The following USP37 variants were observed in gnomAD, a reference collection of about 807,000 sequenced individuals.
USP37 encodes ubiquitin carboxyl-terminal hydrolase 37.
In USP37, 27 loss-of-function variants were observed where a neutral mutation model predicts 124.0. The ratio of observed to expected loss-of-function variants is 0.22; its 90% CI spans 0.16 to 0.30. The LOEUF (loss-of-function observed/expected upper bound fraction) is 0.30. USP37 is among the 10% of genes least tolerant of loss of function. The pLI is 1.00. For synonymous variants in USP37, 365 were observed against 388.0 expected, an observed-to-expected ratio of 0.94 and a Z score of 0.70; for missense variants, 889 against 1,140.4, an observed-to-expected ratio of 0.78 and a Z score of 3.17.
Position 218,455,029 on chromosome 2 carries a change from A to C in USP37, c.2853-12T>G, listed in dbSNP as rs750447449. Reference sequence around the variant, plus strand: ...CATCAAAGATCTCCCTTAAGATAAAACAAGCAAAAAATAAAACTGGAAATT... The same window carrying C: ...CATCAAAGATCTCCCTTAAGATAAACCAAGCAAAAAATAAAACTGGAAATT... On this transcript the variant is annotated splice_polypyrimidine_tract_variant and intron_variant, in intron 25 of 25. Transcript: ENST00000258399. The C allele has an allele frequency of 5.6e-6, 9 of 1,611,314 alleles. No homozygotes were observed. Among genetic ancestry groups the C allele is most frequent in the African/African-American group, 4.0e-5 (3 of 74,744 alleles).
chr2:218,468,274 G>A (rs547245642), intron 20 of USP37, among the ~76,000 whole-genome samples: 2 of 150,498 alleles, frequency 1.3e-5, no homozygotes, highest in South Asian at 4.2e-4. Context: ...GCGTGATTGT[G>A]GCTCATTGCA....
intron 17 of USP37, among the ~76,000 whole-genome samples, chr2:218,480,500 A>G (rs1691213777): frequency 6.6e-6 from 1 of 152,168 alleles, no homozygotes; most frequent in Non-Finnish European, 1.5e-5. Flanking sequence ...CTACATAGAC[A>G]GCACTGGAAA....
chr2:218,479,246 TAAC>T (rs1277037718), intron 18 of USP37, among the ~76,000 whole-genome samples: 2 of 152,172 alleles, frequency 1.3e-5, no homozygotes, highest in Middle Eastern at 3.2e-3. Context: ...CCAGACTGGC[TAAC>T]AACAGGTAAA....
chr2:218,484,895 AT>A (rs1039821776), intron 16 of USP37, among the ~76,000 whole-genome samples: 1 of 152,200 alleles, frequency 6.6e-6, no homozygotes, highest in African/African-American at 2.4e-5. Flanking sequence ...CCACATAATA[AT>A]TTTTTGTAAC....
chr2:218,533,614 A>T (rs2106028616), intron 9 of USP37, among the ~76,000 whole-genome samples: 1 of 152,330 alleles, frequency 6.6e-6, no homozygotes, highest in East Asian at 1.9e-4. Flanking sequence ...CAGAGTTTAT[A>T]TCTTCTAAAT....
intron 23 of USP37, 141 bp downstream of exon 23, chr2:218,459,649 A>G: frequency 3.4e-6 from 2 of 582,916 alleles, no homozygotes; most frequent in Non-Finnish European, 6.0e-6. Flanking sequence ...GCAAATGACA[A>G]GAGAAAATGA....
chr2:218,489,878 C>T (rs946337644), intron 14 of USP37, among the ~76,000 whole-genome samples: 3 of 152,158 alleles, frequency 2.0e-5, no homozygotes, highest in African/African-American at 7.2e-5. Flanking sequence ...TTTTAGTTGG[C>T]CCCTCTTTTG....
chr2:218,456,973 A>T (rs1258459237), intron 24 of USP37, 119 bp downstream of exon 24: 1 of 1,108,736 alleles, frequency 9.0e-7, no homozygotes. Flanking sequence ...GGATCTCAAA[A>T]AAAAAAAGAA....
At chr2:218,479,432 T>C (rs1691133817) in intron 18 of USP37, among the ~76,000 whole-genome samples, 1 of 152,212 alleles carries the variant, frequency 6.6e-6, no homozygotes, top group African/African-American at 2.4e-5. Flanking sequence ...AGACAGAATA[T>C]TGAGAGGATG....
intron 22 of USP37, 131 bp downstream of exon 22, chr2:218,463,175 A>C (rs1305079953): frequency 2.0e-6 from 1 of 503,498 alleles, no homozygotes; most frequent in Non-Finnish European, 3.3e-6. Context: ...CCCCACAATA[A>C]ACACACACAC....
chr2:218,534,508 A>C, intron 9 of USP37, 101 bp downstream of exon 9: 2 of 558,202 alleles, frequency 3.6e-6, no homozygotes, highest in Non-Finnish European at 5.2e-6. Flanking sequence ...ATATAAATAA[A>C]TAAAAATAAA....
intron 11 of USP37, among the ~76,000 whole-genome samples, chr2:218,508,521 A>G (rs969796767): frequency 6.6e-6 from 1 of 152,158 alleles, no homozygotes. Flanking sequence ...TAAAATATAT[A>G]CAGGAGAAGG....
intron 8 of USP37, among the ~76,000 whole-genome samples, chr2:218,535,441 G>A (rs1199333912): frequency 2.6e-5 from 4 of 151,806 alleles, no homozygotes; most frequent in Non-Finnish European, 4.4e-5. Context: ...GGCTGGGCGC[G>A]GTGGCTCAAG....
In USP37 at chr2:218,497,867, CAAAA is replaced by C; in HGVS notation, c.1158-14_1158-11del. On this transcript the variant is annotated splice_polypyrimidine_tract_variant and intron_variant, in intron 12 of 25. Transcript: ENST00000258399. The stretch of plus-strand genomic sequence containing the variant: ...CAAGTGTGCAAAGCGTCTAGTAAAA[CAAAA>C]AACACAAAGTTAGCACGTTTTACAT... 6.2e-7 allele frequency: 1 copy of C among 1,608,302 alleles called. No individual in the cohort carries two copies. The highest frequency in any genetic ancestry group is 8.5e-7 in the Non-Finnish European group (1 of 1,178,292).
At chr2:218,464,239 C>CA (rs1690187683) in intron 21 of USP37, among the ~76,000 whole-genome samples, 1 of 142,798 alleles carries the variant, frequency 7.0e-6, no homozygotes, top group Admixed American at 7.0e-5. Flanking sequence ...AATTAGATTT[C>CA]TTTTTTTTTT....
At chr2:218,520,167 A>G (rs954563226) in intron 10 of USP37, among the ~76,000 whole-genome samples, 1 of 151,520 alleles carries the variant, frequency 6.6e-6, no homozygotes, top group Non-Finnish European at 1.5e-5. Flanking sequence ...CGAACTCCTG[A>G]CCTCATGTGA....
intron 4 of USP37, 93 bp from the exon 5 acceptor site, chr2:218,553,817 G>T (rs1692796695): frequency 2.4e-6 from 3 of 1,228,360 alleles, no homozygotes; most frequent in African/African-American, 1.6e-5. Context: ...TACTTTCCAT[G>T]TTACATTTAT....
At chr2:218,499,139 A>G (rs1488727829) in intron 11 of USP37, among the ~76,000 whole-genome samples, 2 of 152,082 alleles carry the variant, frequency 1.3e-5, no homozygotes, top group African/African-American at 4.8e-5. Context: ...CCAGGCGTGG[A>G]GGCATGCGCC....
In USP37 at chr2:218,495,904, T is replaced by C. The variant is rs750303959; in HGVS notation, c.1328A>G (p.Asp443Gly). 1.2e-6 allele frequency: 2 copies of C among 1,613,614 alleles called. No homozygotes were observed. Residue 443 changes from aspartate to glycine, a missense_variant, in exon 14 of 26, where the codon GAT becomes GGT. By Grantham distance (94) the Asp-to-Gly change is moderately conservative. This residue lies in a region of USP37 where 504 missense variants were observed against 714.3 expected (regional missense o/e 0.71). Coordinates refer to ENST00000258399, the MANE Select transcript of USP37 (RefSeq NM_020935.3). ...LSQCLDQLKE[D>G]MEKLNKTWKT... is the part of the protein sequence containing the mutation. Reference sequence around the variant, plus strand: ...CCAAGTTTTATTTAATTTTTCCATATCTTCTTTCAGCTGGTCCAAACACTG... The same window carrying C: ...CCAAGTTTTATTTAATTTTTCCATACCTTCTTTCAGCTGGTCCAAACACTG...
Sources: gnomAD v4.1 joint callset for allele counts (sites outside exome capture counted in the v4.1 genomes callset) on GRCh38, gnomAD v4.1.1 for gene constraint, gnomAD v4.1.1 regional missense constraint, MANE v1.5 for transcripts, NCBI Gene and HGNC (gene_info 2026-07-23, HGNC 2026-07-21) for gene names.